TRANK1: variants seen among roughly 807,000 people sequenced by gnomAD.
TRANK1 encodes TPR and ankyrin repeat-containing protein 1.
Under a neutral mutation model 266.0 loss-of-function variants are expected in TRANK1, and 198 were observed. That is an observed-to-expected ratio of 0.74 (90% CI 0.66 to 0.84). The LOEUF is 0.84. Among genes scored for constraint, TRANK1 ranks in the 40% least tolerant of loss-of-function variants. The pLI is 0.00. For missense variants in TRANK1, 3,326 were observed against 3,634.6 expected, an observed-to-expected ratio of 0.92 and a Z score of 2.18; for synonymous variants, 1,396 against 1,384.1, an observed-to-expected ratio of 1.01 and a Z score of -0.19.
At chr3:36,881,458 A>AG (rs902814103) in intron 8 of TRANK1, among the ~76,000 whole-genome samples, 2 of 151,456 alleles carry the variant, frequency 1.3e-5, no homozygotes, top group African/African-American at 2.4e-5. Context: ...CAAAAAAAAA[A>AG]CAAAATTAGC....
intron 7 of TRANK1, among the ~76,000 whole-genome samples, chr3:36,891,209 G>A (rs747537650): frequency 6.6e-6 from 1 of 151,998 alleles, no homozygotes; most frequent in Non-Finnish European, 1.5e-5. Context: ...GCGTGGTGGC[G>A]GGGGCCTGTA....
chr3:36,903,070 T>C, intron 3 of TRANK1, 79 bp downstream of exon 3: 14 of 1,471,136 alleles, frequency 9.5e-6, no homozygotes, highest in Non-Finnish European at 1.3e-5. Context: ...CCACACTTTC[T>C]CTCATCCTTT....
rs986115907 is a variant in TRANK1, at chr3:36,839,987, G to C, written c.5281-1271C>G. On this transcript the variant is annotated intron_variant, in intron 18 of 23. Transcript: ENST00000645898. ...CAGGGTCAAAATAAAGTCAGGTGAA[G>C]AGAAGGCTTTTTATAACATTCTCAT... is the stretch of plus-strand genomic sequence containing the variant. Among the ~76,000 whole-genome samples, 2 of 152,170 alleles carry C rather than the reference G, an allele frequency of 1.3e-5. 1 individual carries two copies. Among genetic ancestry groups the C allele is most frequent in the Non-Finnish European group, 2.9e-5 (2 of 68,024 alleles).
intron 12 of TRANK1, 81 bp from the exon 13 acceptor site, chr3:36,858,130 C>G (rs548303199): frequency 5.9e-6 from 7 of 1,189,798 alleles, no homozygotes; most frequent in Middle Eastern, 2.0e-4. Context: ...GAGAGTGATG[C>G]CAGCCAGGGG....
rs372245957 is a variant in TRANK1, at chr3:36,879,643, C to T, written c.908-5347G>A. Among the ~76,000 whole-genome samples the T allele has an allele frequency of 9.1e-4, 45 of 49,444 alleles. 9 individuals are homozygous for T. Among genetic ancestry groups the T allele is most frequent in the African/African-American group, 4.3e-3 (33 of 7,728 alleles). The allele number at this position is 49,444 out of a possible 152,430, so 32.4% of individuals were successfully genotyped here. A position where few individuals can be genotyped will look rare whatever the true frequency, so the allele number is the denominator to read the frequency against. On this transcript the variant is annotated intron_variant, in intron 8 of 23. Coordinates refer to ENST00000645898, the MANE Select transcript of TRANK1 (RefSeq NM_001329998.2). ...ATATATATAAATATATATAAATATA[C>T]AAATATATATAAATATATAAATATA...
chr3:36,849,007 G>A (rs1247774872), intron 15 of TRANK1, among the ~76,000 whole-genome samples: 3 of 152,156 alleles, frequency 2.0e-5, no homozygotes, highest in Non-Finnish European at 4.4e-5. Flanking sequence ...GGCCTTTTAG[G>A]AGTGCGCTTA....
chr3:36,863,991 C>T (rs2079178655), intron 10 of TRANK1, among the ~76,000 whole-genome samples: 1 of 152,176 alleles, frequency 6.6e-6, no homozygotes, highest in Admixed American at 6.5e-5. Context: ...TTCAATTCTA[C>T]AATAACTTTA....
intron 4 of TRANK1, among the ~76,000 whole-genome samples, chr3:36,897,299 C>G (rs113968242): frequency 6.6e-6 from 1 of 151,902 alleles, no homozygotes; most frequent in Non-Finnish European, 1.5e-5. Flanking sequence ...AGCAAGACAC[C>G]GTCTCAAAAA....
rs546204670 is a variant in TRANK1, at chr3:36,926,989, G to A, written c.23+17798C>T. Among the ~76,000 whole-genome samples the A allele has an allele frequency of 7.4e-4, 112 of 152,230 alleles. 1 individual carries two copies. Among genetic ancestry groups the A allele is most frequent in the African/African-American group, 2.5e-3 (104 of 41,524 alleles). ...CCTTGTATTGTTCATGAAATATCTTGTTTTGCGTCTTCTAGAATACAACTT... is the reference window on the plus strand; with the variant it reads ...CCTTGTATTGTTCATGAAATATCTTATTTTGCGTCTTCTAGAATACAACTT... On this transcript the variant is annotated intron_variant, in intron 1 of 23. Transcript: ENST00000645898.
At chr3:36,878,362 G>A (rs771576557) in intron 8 of TRANK1, among the ~76,000 whole-genome samples, 32 of 152,186 alleles carry the variant, frequency 2.1e-4, no homozygotes, top group African/African-American at 7.7e-4. Context: ...TGCCAAAAAG[G>A]TTGGGGACCA....
intron 1 of TRANK1, among the ~76,000 whole-genome samples, chr3:36,911,142 T>C (rs2080046685): frequency 6.6e-6 from 1 of 152,012 alleles, no homozygotes; most frequent in Non-Finnish European, 1.5e-5. Flanking sequence ...TACAGGCCTA[T>C]ACGGTTGAAA....
intron 9 of TRANK1, among the ~76,000 whole-genome samples, chr3:36,865,273 G>A (rs1326135626): frequency 1.3e-5 from 2 of 152,002 alleles, no homozygotes; most frequent in Non-Finnish European, 2.9e-5. Flanking sequence ...TAATCCACTC[G>A]CCTCAGCCTC....
At chr3:36,871,217 G>A (rs1436745683) in intron 9 of TRANK1, among the ~76,000 whole-genome samples, 2 of 151,920 alleles carry the variant, frequency 1.3e-5, no homozygotes, top group Non-Finnish European at 2.9e-5. Context: ...CTGAAACCCC[G>A]TCCCTACTAA....
chr3:36,909,936 G>C (rs754282120), intron 1 of TRANK1, among the ~76,000 whole-genome samples: 1 of 152,180 alleles, frequency 6.6e-6, no homozygotes, highest in Admixed American at 6.5e-5. Context: ...TATGTACTAG[G>C]GAATAAAGTA....
At position 36,856,925 on chromosome 3, in the gene TRANK1, G is replaced by T. The variant is rs750051444; in HGVS notation, c.2797C>A (p.Arg933=). 2 of 1,580,366 alleles carry T rather than the reference G, an allele frequency of 1.3e-6. No individual in the cohort carries two copies. Among genetic ancestry groups the T allele is most frequent in the Non-Finnish European group, 8.6e-7 (1 of 1,164,802 alleles). Reference sequence around the variant, plus strand: ...ATCCGGATGATTTCCGTGTAGATCCGCCCTGATTTCTCCATTGCACACGTG... The same window carrying T: ...ATCCGGATGATTTCCGTGTAGATCCTCCCTGATTTCTCCATTGCACACGTG... The part of the protein sequence containing the change: ...QNTCAMEKSG[R]IYTEIIRIWD... Residue 933 remains arginine, a synonymous_variant, in exon 13 of 24, where the codon CGG becomes AGG. Transcript: ENST00000645898.
intron 2 of TRANK1, among the ~76,000 whole-genome samples, 200 bp downstream of exon 2, chr3:36,908,123 T>G (rs1489343737): frequency 6.6e-6 from 1 of 152,226 alleles, no homozygotes; most frequent in Non-Finnish European, 1.5e-5. Context: ...TTATCAACAG[T>G]CCTCTATGTT....
At chr3:36,879,947 C>CAAATATATGTAAATATAT (rs2079490847) in intron 8 of TRANK1, among the ~76,000 whole-genome samples, 1 of 9,696 alleles carries the variant, frequency 1.0e-4, no homozygotes, top group Non-Finnish European at 1.7e-4. Flanking sequence ...TGTAAACATG[C>CAAATATATGTAAATATAT]AAATATATGT....
chr3:36,847,058 C>T, intron 16 of TRANK1, 142 bp downstream of exon 16: 1 of 1,005,094 alleles, frequency 9.9e-7, no homozygotes, highest in African/African-American at 1.6e-5. Flanking sequence ...AGATCCCTGC[C>T]CCTTCCTTTC....
At chr3:36,907,453 T>G (rs1214947406) in intron 2 of TRANK1, among the ~76,000 whole-genome samples, 1 of 142,572 alleles carries the variant, frequency 7.0e-6, no homozygotes, top group East Asian at 2.1e-4. Context: ...CCCAGCAAAT[T>G]TATTGATTTT....
Sources: gnomAD v4.1 joint callset for allele counts (sites outside exome capture counted in the v4.1 genomes callset) on GRCh38, gnomAD v4.1.1 for gene constraint, MANE v1.5 for transcripts, NCBI Gene and HGNC (gene_info 2026-07-23, HGNC 2026-07-21) for gene names.